SLC30A9: variants seen among roughly 807,000 people sequenced by gnomAD.
The protein encoded by SLC30A9 is solute carrier family 30 member 9.
SLC30A9 carries 58 observed loss-of-function variants against 87.5 expected under a neutral mutation model. That is an observed-to-expected ratio of 0.66 (90% CI 0.54 to 0.82). The LOEUF is 0.82. Ranked by LOEUF, SLC30A9 falls within the 40% of genes least tolerant of loss-of-function variation. The pLI is 0.00. For missense variants in SLC30A9, 557 were observed against 679.1 expected (o/e 0.82, Z 2.00); for synonymous variants, 234 against 233.0 (o/e 1.00, Z -0.04).
chr4:42,078,480 G>T, intron 17 of SLC30A9, 155 bp downstream of exon 17: 1 of 450,834 alleles, frequency 2.2e-6, no homozygotes, highest in South Asian at 4.8e-5. Context: ...AAAATGACTG[G>T]GTTAGATAAG....
chr4:42,029,033 T>C (rs1716305598), intron 6 of SLC30A9, among the ~76,000 whole-genome samples: 4 of 152,248 alleles, frequency 2.6e-5, no homozygotes, highest in Admixed American at 1.3e-4. Context: ...GTCAGCTTTA[T>C]GTACTTCCCA....
chr4:42,037,728 G>C (rs1716749701), intron 7 of SLC30A9, among the ~76,000 whole-genome samples: 1 of 152,092 alleles, frequency 6.6e-6, no homozygotes, highest in African/African-American at 2.4e-5. Flanking sequence ...ACATTTTGCT[G>C]TCCTGGTCTT....
At chr4:42,065,139 T>C (rs1718029595) in intron 11 of SLC30A9, among the ~76,000 whole-genome samples, 171 bp from the exon 12 acceptor site, 1 of 152,186 alleles carries the variant, frequency 6.6e-6, no homozygotes, top group Non-Finnish European at 1.5e-5. Context: ...ATATCAAATA[T>C]TGTATTCATA....
chr4:42,039,081 A>G (rs1365804716), intron 8 of SLC30A9, 28 bp downstream of exon 8: 2 of 1,490,610 alleles, frequency 1.3e-6, no homozygotes, highest in Non-Finnish European at 1.9e-6. Flanking sequence ...AGCTTTGTGA[A>G]ATAGAATATA....
At chr4:42,080,902 A>G (rs1346224769) in intron 17 of SLC30A9, among the ~76,000 whole-genome samples, 2 of 152,232 alleles carry the variant, frequency 1.3e-5, no homozygotes, top group Non-Finnish European at 2.9e-5. Flanking sequence ...GGTTCACAGA[A>G]GTACTTAGAT....
At chr4:41,996,594 G>A (rs1163005090) in intron 1 of SLC30A9, among the ~76,000 whole-genome samples, 2 of 151,952 alleles carry the variant, frequency 1.3e-5, no homozygotes, top group African/African-American at 2.4e-5. Context: ...ATTAAAAAAT[G>A]TAGCCAGGTA....
chr4:42,042,631 G>T (rs1577703772), intron 8 of SLC30A9, among the ~76,000 whole-genome samples: 1 of 152,236 alleles, frequency 6.6e-6, no homozygotes, highest in South Asian at 2.1e-4. Flanking sequence ...TGGGGGTAGG[G>T]GCGGCTGTGG....
Position 42,086,304 on chromosome 4 carries a change from T to C in SLC30A9, c.*178T>C, listed in dbSNP as rs1302641080. 7.4e-6 allele frequency: 3 copies of C among 406,784 alleles called. No individual in the cohort carries two copies. Among genetic ancestry groups the C allele is most frequent in the Non-Finnish European group, 1.3e-5 (3 of 224,902 alleles). The allele number at this position is 406,784 out of a possible 1,614,324, so 25.2% of individuals were successfully genotyped here. On this transcript the variant is annotated 3_prime_UTR_variant, in exon 18 of 18. Coordinates refer to ENST00000264451, the MANE Select transcript of SLC30A9 (RefSeq NM_006345.4). ...CAGCAGGACACAGAACTAAAACTACTACTTACATCTAACAGACACACTACA... is the reference window on the plus strand; with the variant it reads ...CAGCAGGACACAGAACTAAAACTACCACTTACATCTAACAGACACACTACA...
intron 15 of SLC30A9, 86 bp from the exon 16 acceptor site, chr4:42,075,571 A>C (rs1718517293): frequency 1.6e-6 from 2 of 1,269,618 alleles, no homozygotes; most frequent in South Asian, 1.3e-5. Context: ...GGGGAAAAAA[A>C]CAATAATTCA....
chr4:42,053,751 A>C (rs1577710847), intron 9 of SLC30A9, among the ~76,000 whole-genome samples: 3 of 150,008 alleles, frequency 2.0e-5, no homozygotes, highest in African/African-American at 7.4e-5. Context: ...TTTACTTATA[A>C]TGGCTGAAAA....
At chr4:42,062,570 A>G (rs1488091378) in intron 10 of SLC30A9, among the ~76,000 whole-genome samples, 2 of 152,244 alleles carry the variant, frequency 1.3e-5, no homozygotes, top group African/African-American at 4.8e-5. Flanking sequence ...TATAGGTATT[A>G]TAAATAATAG....
intron 17 of SLC30A9, among the ~76,000 whole-genome samples, chr4:42,082,538 A>G (rs1009596920): frequency 6.6e-6 from 1 of 152,072 alleles, no homozygotes; most frequent in African/African-American, 2.4e-5. Flanking sequence ...AATAGATTAT[A>G]TTTTTGGCTT....
chr4:42,039,981 C>T (rs1232869999), intron 8 of SLC30A9, among the ~76,000 whole-genome samples: 3 of 152,138 alleles, frequency 2.0e-5, no homozygotes, highest in Non-Finnish European at 2.9e-5. Flanking sequence ...GGACACTAAA[C>T]TAGAGGAAGA....
intron 9 of SLC30A9, among the ~76,000 whole-genome samples, chr4:42,052,292 C>T (rs923407373): frequency 2.0e-5 from 3 of 152,104 alleles, no homozygotes; most frequent in Non-Finnish European, 4.4e-5. Flanking sequence ...AGATACAATA[C>T]CGCGTTCATA....
intron 2 of SLC30A9, among the ~76,000 whole-genome samples, chr4:42,016,872 A>C (rs73810479): frequency 0.03 from 4,643 of 152,280 alleles, 111 homozygotes; most frequent in African/African-American, 0.057. Flanking sequence ...CCAGTTTACA[A>C]CAACAGAACA....
chr4:41,990,900 G>T, intron 1 of SLC30A9, 140 bp downstream of exon 1: 1 of 659,614 alleles, frequency 1.5e-6, no homozygotes, highest in Non-Finnish European at 2.6e-6. Flanking sequence ...CGCCTTTCCA[G>T]TTCAGCCTGC....
intron 15 of SLC30A9, among the ~76,000 whole-genome samples, chr4:42,071,368 A>C (rs1718302296): frequency 6.6e-6 from 1 of 152,096 alleles, no homozygotes; most frequent in Admixed American, 6.6e-5. Flanking sequence ...TGTGTATTGT[A>C]CTTGAAATCT....
chr4:41,997,529 T>C (rs1223964406), intron 1 of SLC30A9, among the ~76,000 whole-genome samples: 3 of 152,138 alleles, frequency 2.0e-5, no homozygotes, highest in Non-Finnish European at 1.5e-5. Context: ...TTTCACCACA[T>C]TTTTAGTAGT....
Position 42,086,176 on chromosome 4 carries a change from C to T in SLC30A9, c.*50C>T, listed in dbSNP as rs560458244. 7 of 1,196,382 alleles carry T rather than the reference C, an allele frequency of 5.9e-6. No individual in the cohort carries two copies. The South Asian group carries it at 6.6e-5, about 11-fold the overall frequency. The allele number at this position is 1,196,382 out of a possible 1,614,324, so 74.1% of individuals were successfully genotyped here. A position where few individuals can be genotyped will look rare whatever the true frequency, so the allele number is the denominator to read the frequency against. On this transcript the variant is annotated 3_prime_UTR_variant, in exon 18 of 18. Transcript: ENST00000264451. ...TGGGGACCTTGGAAACAAGTTTGTC[C>T]GTCCACTCTACAAAGTTTCCTCCTC...
Sources: gnomAD v4.1 joint callset for allele counts (sites outside exome capture counted in the v4.1 genomes callset) on GRCh38, gnomAD v4.1.1 for gene constraint, MANE v1.5 for transcripts, NCBI Gene and HGNC (gene_info 2026-07-23, HGNC 2026-07-21) for gene names.